Variants in FCGRT observed in about 807,000 individuals in gnomAD.
FCGRT encodes the protein IgG receptor FcRn large subunit p51.
Under a neutral mutation model 35.7 loss-of-function variants are expected in FCGRT, and 13 were observed. The ratio of observed to expected loss-of-function variants is 0.36; its 90% confidence interval spans 0.24 to 0.58. The LOEUF is 0.58. Among genes scored for constraint, FCGRT ranks in the 20% least tolerant of loss-of-function variants. The pLI, the probability that FCGRT is intolerant of heterozygous loss-of-function variation, is 0.77. For synonymous variants in FCGRT, 233 were observed against 216.5 expected, an observed-to-expected ratio of 1.08 and a Z score of -0.67; for missense variants, 455 against 474.9, an observed-to-expected ratio of 0.96 and a Z score of 0.39.
chr19:49,518,578 G>C (rs1000512107), intron 4 of FCGRT, among the ~76,000 whole-genome samples: 1 of 152,150 alleles, frequency 6.6e-6, no homozygotes, highest in Non-Finnish European at 1.5e-5. Flanking sequence ...CTGTCGCCCA[G>C]ACTGGAGTGC....
At chr19:49,520,249 C>T (rs1319423829) in intron 4 of FCGRT, among the ~76,000 whole-genome samples, 1 of 151,508 alleles carries the variant, frequency 6.6e-6, no homozygotes, top group East Asian at 1.9e-4. Context: ...CCTGCCTCAG[C>T]CTCCTTAGTA....
At chr19:49,515,993 C>A (rs1298669859) in intron 4 of FCGRT, 3 of 333,682 alleles carry the variant, frequency 9.0e-6, no homozygotes, top group Non-Finnish European at 1.8e-5. Context: ...TGTTTCCTCC[C>A]CGGAGGCCCC....
chr19:49,513,506 A>G (rs1274031920), intron 2 of FCGRT, 33 bp downstream of exon 2: 3 of 1,217,956 alleles, frequency 2.5e-6, no homozygotes, highest in Admixed American at 4.1e-5. Flanking sequence ...GCCCTGCTGC[A>G]GGCGGGCGGC....
chr19:49,524,965 G>A (rs764155664), intron 5 of FCGRT, 189 bp downstream of exon 5: 46 of 703,752 alleles, frequency 6.5e-5, no homozygotes, highest in Non-Finnish European at 1.1e-4. Context: ...ACTGCCTTCC[G>A]TCTCCTGCTG....
chr19:49,523,347 T>G (rs1663204430), intron 4 of FCGRT, among the ~76,000 whole-genome samples: 1 of 151,982 alleles, frequency 6.6e-6, no homozygotes, highest in African/African-American at 2.4e-5. Context: ...GGCAGGTAGA[T>G]CACAATGTCA....
rs548566042 is a variant in FCGRT at position 49,512,685 on chromosome 19, C to A, written c.-80C>A. 21 of 155,186 alleles carry A rather than the reference C, an allele frequency of 1.4e-4. No individual in the cohort carries two copies. The highest frequency in any genetic ancestry group is 4.6e-4 in the African/African-American group (19 of 41,536). 9.6% of individuals were successfully genotyped at this position (155,186 alleles called of 1,614,324 possible). The stretch of plus-strand genomic sequence containing the variant: ...CAGGATGTGAGAGAGGAACTGGGGT[C>A]TCCAGTCACGGGAGCCAGGAGCCGG... On this transcript the variant is annotated 5_prime_UTR_variant, in exon 1 of 7. Transcript: ENST00000221466.
In FCGRT at chr19:49,524,652, C is replaced by T. The variant is rs571615644; in HGVS notation, c.747C>T (p.Phe249=). The change falls in exon 5 of 7, where the codon TTC becomes TTT. Residue 249 remains phenylalanine (F), a synonymous_variant. Transcript: ENST00000221466. The part of the protein sequence containing the change: ...GLAAGTGQGD[F]GPNSDGSFHA... Reference sequence around the variant, plus strand: ...CCGCTGGCACCGGCCAGGGTGACTTCGGCCCCAACAGTGACGGATCCTTCC... The same window carrying T: ...CCGCTGGCACCGGCCAGGGTGACTTTGGCCCCAACAGTGACGGATCCTTCC... The T allele has an allele frequency of 3.0e-5, 48 of 1,607,472 alleles. No individual in the cohort carries two copies. The East Asian group carries it at 6.7e-4, about 22-fold the overall frequency.
At position 49,526,217 on chromosome 19, in the gene FCGRT, G is replaced by A. The variant is rs2080076720; in HGVS notation, c.*98G>A. ...TGGCATCTCTGAGCCTCCAGAAGGG[G>A]TTCTGGGCCTAGTTGTCCTCCCTCT... On this transcript the variant is annotated 3_prime_UTR_variant, in exon 7 of 7. Coordinates refer to ENST00000221466, the MANE Select transcript of FCGRT (RefSeq NM_001136019.3). The A allele has an allele frequency of 1.2e-6, 1 of 804,980 alleles. No homozygotes were observed. The highest frequency in any genetic ancestry group is 1.7e-5 in the African/African-American group (1 of 59,402). The allele number at this position is 804,980 out of a possible 1,614,324, so 49.9% of individuals were successfully genotyped here.
At chr19:49,517,481 A>C (rs974409305) in intron 4 of FCGRT, among the ~76,000 whole-genome samples, 3 of 151,888 alleles carry the variant, frequency 2.0e-5, no homozygotes, top group Non-Finnish European at 4.4e-5. Flanking sequence ...ACAAAGCAAG[A>C]CTCTGTCTCA....
chr19:49,518,851 C>CT (rs986230268), intron 4 of FCGRT, among the ~76,000 whole-genome samples: 13 of 150,826 alleles, frequency 8.6e-5, no homozygotes, highest in Admixed American at 7.3e-4. Flanking sequence ...TTGTTTTTTT[C>CT]TTTTTTTTGG....
intron 4 of FCGRT, among the ~76,000 whole-genome samples, chr19:49,518,044 T>C (rs1368126890): frequency 6.6e-6 from 1 of 152,156 alleles, no homozygotes; most frequent in Non-Finnish European, 1.5e-5. Flanking sequence ...CAGGCTGGTC[T>C]CGAACCCTCC....
intron 4 of FCGRT, among the ~76,000 whole-genome samples, chr19:49,516,419 G>GT (rs759161592): frequency 0.01 from 1,269 of 124,320 alleles, 13 homozygotes; most frequent in African/African-American, 0.024. Flanking sequence ...ATTTTTGTTT[G>GT]TTTTTTTTTT....
chr19:49,524,476 G>A lies in FCGRT; in HGVS notation c.602-31G>A, dbSNP rs764700489. On this transcript the variant is annotated intron_variant, in intron 4 of 6. Coordinates refer to ENST00000221466, the MANE Select transcript of FCGRT (RefSeq NM_001136019.3). Reference sequence around the variant, plus strand: ...CTGGCTCTGGGAGTGGTGGGCTCGCGACTTAGGCCTGTCTGCCTGATTTCC... The same window carrying A: ...CTGGCTCTGGGAGTGGTGGGCTCGCAACTTAGGCCTGTCTGCCTGATTTCC... 6.3e-6 allele frequency: 10 copies of A among 1,591,542 alleles called. No individual in the cohort carries two copies. In the East Asian group the frequency reaches 1.3e-4, roughly 21 times the overall value.
In FCGRT at chr19:49,525,991, C is replaced by A; in HGVS notation, c.989-19C>A. 6.8e-7 allele frequency: 1 copy of A among 1,462,342 alleles called. No individual in the cohort carries two copies. Among genetic ancestry groups the A allele is most frequent in the Non-Finnish European group, 9.6e-7 (1 of 1,043,400 alleles). The allele number at this position is 1,462,342 out of a possible 1,614,324, so 90.6% of individuals were successfully genotyped here. A position where few individuals can be genotyped will look rare whatever the true frequency, so the allele number is the denominator to read the frequency against. ...GCCTCAGAGATTCTGATGACCTCTC[C>A]CTCTCTCTCTCTCCTCAGCCCCTTG... On this transcript the variant is annotated intron_variant, in intron 6 of 6. Transcript: ENST00000221466.
intron 4 of FCGRT, 27 bp downstream of exon 4, chr19:49,514,513 G>C (rs773440101): frequency 6.6e-7 from 1 of 1,522,168 alleles, no homozygotes; most frequent in Non-Finnish European, 8.8e-7. Context: ...GCCGCAGGCT[G>C]TTCTGTCCTC....
chr19:49,516,790 T>C (rs2080010362), intron 4 of FCGRT, among the ~76,000 whole-genome samples: 1 of 151,788 alleles, frequency 6.6e-6, no homozygotes, highest in Admixed American at 6.6e-5. Flanking sequence ...ACTCCTGATC[T>C]CGTGATCTGC....
At chr19:49,521,903 C>G (rs997387448) in intron 4 of FCGRT, 5 of 152,022 alleles carry the variant, frequency 3.3e-5, no homozygotes, top group African/African-American at 9.7e-5. Flanking sequence ...CTCCCGGCTT[C>G]CAGTGATCCT....
At chr19:49,518,133 C>G (rs1370923622) in intron 4 of FCGRT, among the ~76,000 whole-genome samples, 1 of 152,024 alleles carries the variant, frequency 6.6e-6, no homozygotes, top group Non-Finnish European at 1.5e-5. Flanking sequence ...GTTGATAAGT[C>G]CTTTAGTATG....
chr19:49,513,451 C>T lies in FCGRT; in HGVS notation c.51C>T (p.Leu17=). 8.0e-7 allele frequency: 1 copy of T among 1,243,850 alleles called. No homozygotes were observed. The allele number at this position is 1,243,850 out of a possible 1,614,324, so 77.1% of individuals were successfully genotyped here. A position where few individuals can be genotyped will look rare whatever the true frequency, so the allele number is the denominator to read the frequency against. ...QPWALGLLLF[L]LPGSLGAESH... ...GGGCGCTGGGGCTCCTGCTCTTTCT[C>T]CTTCCTGGGAGCCTGGGCGCAGGTG... Residue 17 remains leucine (L), a synonymous_variant, in exon 2 of 7, where the codon CTC becomes CTT. Coordinates refer to ENST00000221466, the MANE Select transcript of FCGRT (RefSeq NM_001136019.3).
Sources: gnomAD v4.1 joint callset for allele counts (sites outside exome capture counted in the v4.1 genomes callset) on GRCh38, gnomAD v4.1.1 for gene constraint, MANE v1.5 for transcripts, NCBI Gene and HGNC (gene_info 2026-07-23, HGNC 2026-07-21) for gene names.